Variants in OPCML observed in about 807,000 individuals in gnomAD.
OPCML encodes the protein opioid-binding protein/cell adhesion molecule.
OPCML carries 13 observed loss-of-function variants against 37.8 expected under a neutral mutation model. That is an observed-to-expected ratio of 0.34 (90% CI 0.22 to 0.55). The LOEUF (loss-of-function observed/expected upper bound fraction) is 0.55. Ranked by LOEUF, OPCML falls within the 20% of genes least tolerant of loss-of-function variation. The pLI is 0.91. For missense variants in OPCML, 341 were observed against 435.6 expected (o/e 0.78, Z 1.93); for synonymous variants, 176 against 168.8 (o/e 1.04, Z -0.33).
At chr11:133,437,409 G>A (rs35352473) in intron 1 of OPCML, among the ~76,000 whole-genome samples, 21,685 of 152,086 alleles carry the variant, frequency 0.14, 1,757 homozygotes, top group African/African-American at 0.21. Flanking sequence ...GCAGTCCACA[G>A]TGTAAACGCT....
At chr11:132,824,738 C>T (rs561578662) in intron 2 of OPCML, among the ~76,000 whole-genome samples, 3 of 152,266 alleles carry the variant, frequency 2.0e-5, no homozygotes, top group Non-Finnish European at 2.9e-5. Flanking sequence ...AACAACTTCC[C>T]GTGGCTGTAA....
intron 1 of OPCML, among the ~76,000 whole-genome samples, chr11:133,202,239 G>A (rs1229779017): frequency 6.6e-6 from 1 of 152,150 alleles, no homozygotes; most frequent in Non-Finnish European, 1.5e-5. Context: ...CTTCCCTCCT[G>A]CACTAGGTTG....
chr11:133,083,130 C>CCACGCACACA (rs879311216), intron 1 of OPCML, among the ~76,000 whole-genome samples: 2 of 151,958 alleles, frequency 1.3e-5, no homozygotes, highest in Non-Finnish European at 2.9e-5. Context: ...ATCACACACA[C>CCACGCACACA]CACGCACACA....
At chr11:132,521,774 A>AT (rs2096294518) in intron 4 of OPCML, among the ~76,000 whole-genome samples, 2 of 152,200 alleles carry the variant, frequency 1.3e-5, no homozygotes, top group African/African-American at 2.4e-5. Flanking sequence ...GTAAATTAAA[A>AT]TTAAAATTAA....
chr11:133,344,622 C>T (rs768532919), intron 1 of OPCML, among the ~76,000 whole-genome samples: 5 of 152,130 alleles, frequency 3.3e-5, no homozygotes, highest in African/African-American at 9.7e-5. Flanking sequence ...TCAAGGAGCC[C>T]CACCTCCTAC....
chr11:132,445,707 T>A (rs923213205), intron 4 of OPCML, among the ~76,000 whole-genome samples: 3 of 152,144 alleles, frequency 2.0e-5, no homozygotes, highest in Non-Finnish European at 4.4e-5. Context: ...GGGACTCTAA[T>A]GTACAGTCAG....
rs151257272 is a variant in OPCML at position 133,397,061 on chromosome 11, G to A, written c.61+135203C>T. On this transcript the variant is annotated intron_variant, in intron 1 of 7. Transcript: ENST00000524381. ...ACTCCATGTCTATTTTTTGAGAAAA[G>A]CATTGATTCTGGATGATTTTCCTGG... is the stretch of plus-strand genomic sequence containing the variant. 6.6e-5 allele frequency among the ~76,000 whole-genome samples: 10 copies of A among 152,252 alleles called. No individual in the cohort carries two copies. In the East Asian group the frequency reaches 1.7e-3, roughly 26 times the overall value.
chr11:132,554,584 C>T (rs1388919995), intron 3 of OPCML, among the ~76,000 whole-genome samples: 1 of 152,192 alleles, frequency 6.6e-6, no homozygotes, highest in Non-Finnish European at 1.5e-5. Flanking sequence ...GGGACATTCT[C>T]AGCTCTGCAG....
intron 2 of OPCML, among the ~76,000 whole-genome samples, chr11:132,671,822 G>A (rs944791835): frequency 6.6e-6 from 1 of 151,948 alleles, no homozygotes; most frequent in African/African-American, 2.4e-5. Context: ...AAGAGAAGGA[G>A]AGAGAAAAGG....
intron 2 of OPCML, among the ~76,000 whole-genome samples, chr11:132,914,271 G>T (rs1487039084): frequency 6.6e-6 from 1 of 152,160 alleles, no homozygotes; most frequent in Non-Finnish European, 1.5e-5. Flanking sequence ...TCTCCACAAT[G>T]CTTAGTGTCT....
chr11:132,721,403 G>A (rs777233379), intron 2 of OPCML, among the ~76,000 whole-genome samples: 8 of 152,224 alleles, frequency 5.3e-5, no homozygotes, highest in Middle Eastern at 3.4e-3. Flanking sequence ...GAAGCTCTGC[G>A]GAGGAACAGC....
chr11:133,303,512 A>G (rs1032039904), intron 1 of OPCML, among the ~76,000 whole-genome samples: 1 of 152,190 alleles, frequency 6.6e-6, no homozygotes, highest in Non-Finnish European at 1.5e-5. Context: ...GTGTTTCACT[A>G]AATAATAGAG....
chr11:132,590,957 T>C (rs1022650126), intron 3 of OPCML, among the ~76,000 whole-genome samples: 1 of 152,220 alleles, frequency 6.6e-6, no homozygotes, highest in Admixed American at 6.5e-5. Flanking sequence ...CTTTCCATAA[T>C]CCTCTAGAAG....
At chr11:132,932,720 C>T (rs1328306310) in intron 2 of OPCML, among the ~76,000 whole-genome samples, 2 of 147,850 alleles carry the variant, frequency 1.4e-5, no homozygotes, top group Non-Finnish European at 3.0e-5. Flanking sequence ...TATACAAATG[C>T]TGCATGGATA....
At chr11:133,149,799 C>T (rs931953663) in intron 1 of OPCML, among the ~76,000 whole-genome samples, 2 of 152,232 alleles carry the variant, frequency 1.3e-5, no homozygotes, top group African/African-American at 4.8e-5. Context: ...TTCTCAACAG[C>T]AGACATCCAA....
intron 1 of OPCML, among the ~76,000 whole-genome samples, chr11:133,270,530 T>C (rs1435547795): frequency 6.6e-6 from 1 of 152,168 alleles, no homozygotes; most frequent in Admixed American, 6.5e-5. Flanking sequence ...ATTTTTTGGC[T>C]TCCATTTAAA....
intron 1 of OPCML, among the ~76,000 whole-genome samples, chr11:133,325,959 C>T (rs149534225): frequency 2.0e-4 from 30 of 152,250 alleles, no homozygotes; most frequent in African/African-American, 5.3e-4. Flanking sequence ...CACAATAGAA[C>T]GGAAGGCCTT....
intron 2 of OPCML, among the ~76,000 whole-genome samples, chr11:132,813,488 G>C (rs1398038929): frequency 6.6e-6 from 1 of 152,184 alleles, no homozygotes; most frequent in African/African-American, 2.4e-5. Context: ...ACCAATGCAA[G>C]AGAAGCAGCC....
chr11:132,720,516 C>A (rs1224369408), intron 2 of OPCML, among the ~76,000 whole-genome samples: 2 of 152,228 alleles, frequency 1.3e-5, no homozygotes, highest in Non-Finnish European at 2.9e-5. Flanking sequence ...AAGAGGCTGT[C>A]AATTCAAAGT....
Sources: allele counts gnomAD v4.1 joint callset (sites outside exome capture counted in the v4.1 genomes callset), GRCh38; gene constraint gnomAD v4.1.1; transcripts MANE v1.5; gene names NCBI Gene and HGNC (gene_info 2026-07-23, HGNC 2026-07-21).